COLGALT2: variants seen among roughly 807,000 people sequenced by gnomAD.
COLGALT2 encodes the protein procollagen galactosyltransferase 2.
COLGALT2 carries 49 observed loss-of-function variants against 73.4 expected under a neutral mutation model. The ratio of observed to expected loss-of-function variants is 0.67; its 90% CI spans 0.53 to 0.85. The LOEUF is 0.85. Ranked by LOEUF, COLGALT2 falls within the 40% of genes least tolerant of loss-of-function variation. The probability of loss-of-function intolerance (pLI) is 0.00; values close to 1 mark genes in which losing one functional copy is unlikely to be tolerated. For missense variants in COLGALT2, 722 were observed against 790.2 expected (o/e 0.91, Z 1.03); for synonymous variants, 295 against 307.6 (o/e 0.96, Z 0.43).
chr1:183,985,906 C>T (rs988571011), intron 1 of COLGALT2, among the ~76,000 whole-genome samples: 1 of 152,200 alleles, frequency 6.6e-6, no homozygotes, highest in African/African-American at 2.4e-5. Context: ...CTCTCAGATG[C>T]TTCTTGTTTT....
At chr1:184,019,717 C>T (rs1181391758) in intron 1 of COLGALT2, among the ~76,000 whole-genome samples, 2 of 152,116 alleles carry the variant, frequency 1.3e-5, no homozygotes, top group African/African-American at 2.4e-5. Context: ...ATCTGAGAAG[C>T]GCTCTTTTTA....
At chr1:183,990,394 T>G (rs914951203) in intron 1 of COLGALT2, among the ~76,000 whole-genome samples, 9 of 152,224 alleles carry the variant, frequency 5.9e-5, no homozygotes, top group African/African-American at 2.2e-4. Flanking sequence ...ATGCATGTCC[T>G]CTGTGCCGGT....
intron 7 of COLGALT2, among the ~76,000 whole-genome samples, chr1:183,952,477 G>A (rs1163905786): frequency 1.3e-5 from 2 of 152,158 alleles, no homozygotes; most frequent in Non-Finnish European, 2.9e-5. Flanking sequence ...TTCTGCTATG[G>A]CCAGAATAAA....
rs1050672473 is a variant in COLGALT2, at chr1:184,037,389, C to T, written c.-32G>A. 9 of 1,351,810 alleles carry T rather than the reference C, an allele frequency of 6.7e-6. No homozygotes were observed. The highest frequency in any genetic ancestry group is 8.5e-6 in the Non-Finnish European group (9 of 1,054,354). The allele number at this position is 1,351,810 out of a possible 1,614,324, so 83.7% of individuals were successfully genotyped here. A position where few individuals can be genotyped will look rare whatever the true frequency, so the allele number is the denominator to read the frequency against. On this transcript the variant is annotated 5_prime_UTR_variant, in exon 1 of 12. Transcript: ENST00000361927. Reference sequence around the variant, plus strand: ...GGCCGAGGCGGGCGGCGGGGAAGTCCTGGCGCGAGCGCCCGGCTGGGCTGC... The same window carrying T: ...GGCCGAGGCGGGCGGCGGGGAAGTCTTGGCGCGAGCGCCCGGCTGGGCTGC...
chr1:183,945,747 G>A lies in COLGALT2; in HGVS notation c.1137-183C>T, dbSNP rs1467806232. On this transcript the variant is annotated intron_variant, in intron 8 of 11. Transcript: ENST00000361927. ...GTCACACTAGTATTATGAGGTCTGG[G>A]AAGACAAGAGGGTATCATATTTTTG... 1.7e-5 allele frequency: 11 copies of A among 640,314 alleles called. No homozygotes were observed. The East Asian group carries it at 2.2e-4, about 13-fold the overall frequency. 39.7% of individuals were successfully genotyped at this position (640,314 alleles called of 1,614,324 possible).
intron 1 of COLGALT2, among the ~76,000 whole-genome samples, chr1:183,986,154 T>C (rs183430685): frequency 3.4e-4 from 51 of 152,228 alleles, no homozygotes; most frequent in African/African-American, 1.2e-3. Context: ...GGTTACTGGG[T>C]AGAATTCTGT....
At chr1:183,965,291 A>G (rs1271006477) in intron 5 of COLGALT2, among the ~76,000 whole-genome samples, 1 of 152,238 alleles carries the variant, frequency 6.6e-6, no homozygotes, top group East Asian at 1.9e-4. Context: ...CTAATTAGGC[A>G]AACCATTTTA....
At chr1:184,029,844 G>A (rs1281692578) in intron 1 of COLGALT2, among the ~76,000 whole-genome samples, 1 of 152,162 alleles carries the variant, frequency 6.6e-6, no homozygotes, top group Admixed American at 6.5e-5. Context: ...GCCACCCAGG[G>A]CATGGCTGTA....
chr1:183,960,830 T>C (rs928505988), intron 6 of COLGALT2, among the ~76,000 whole-genome samples: 1 of 152,318 alleles, frequency 6.6e-6, no homozygotes, highest in East Asian at 1.9e-4. Context: ...CAAGACAATC[T>C]TTCTTCTTCC....
chr1:183,967,294 G>C (rs1670907101), intron 5 of COLGALT2, among the ~76,000 whole-genome samples: 1 of 152,228 alleles, frequency 6.6e-6, no homozygotes, highest in East Asian at 1.9e-4. Flanking sequence ...ACTATTAGTT[G>C]TGTTTTCACA....
At chr1:184,017,121 T>G (rs528608848) in intron 1 of COLGALT2, among the ~76,000 whole-genome samples, 12 of 152,346 alleles carry the variant, frequency 7.9e-5, no homozygotes, top group African/African-American at 2.6e-4. Context: ...ATGTATAAAA[T>G]GTTATGTACT....
chr1:183,934,862 C>T (rs184239156), downstream of COLGALT2, among the ~76,000 whole-genome samples: 1 of 152,332 alleles, frequency 6.6e-6, no homozygotes, highest in African/African-American at 2.4e-5. Context: ...TATTATCTGT[C>T]AAGATGGTAA....
intron 11 of COLGALT2, 26 bp downstream of exon 11, chr1:183,940,554 GA>G (rs1325169724): frequency 3.7e-6 from 6 of 1,603,548 alleles, no homozygotes; most frequent in African/African-American, 1.3e-5. Context: ...GTGCCCAAGG[GA>G]AGGCAGGCAG....
intron 1 of COLGALT2, among the ~76,000 whole-genome samples, chr1:184,025,681 G>T (rs930391134): frequency 6.6e-6 from 1 of 152,148 alleles, no homozygotes; most frequent in African/African-American, 2.4e-5. Flanking sequence ...CTTTCCTTGG[G>T]AGTTCAGTCA....
At chr1:183,998,307 T>C (rs1671822976) in intron 1 of COLGALT2, among the ~76,000 whole-genome samples, 2 of 152,340 alleles carry the variant, frequency 1.3e-5, no homozygotes, top group South Asian at 2.1e-4. Context: ...GTGCTTCCTC[T>C]TTTGTGAAAC....
chr1:183,964,555 A>G (rs1670813497), intron 5 of COLGALT2: 1 of 152,928 alleles, frequency 6.5e-6, no homozygotes, highest in South Asian at 2.1e-4. Flanking sequence ...TGCTTCCCTT[A>G]GCAGGCATGG....
intron 6 of COLGALT2, among the ~76,000 whole-genome samples, chr1:183,960,876 C>T (rs1056007508): frequency 2.0e-5 from 3 of 152,122 alleles, no homozygotes; most frequent in South Asian, 2.1e-4. Context: ...TTGGACACCC[C>T]GTTCCTATTC....
At chr1:184,013,083 G>A (rs557770630) in intron 1 of COLGALT2, among the ~76,000 whole-genome samples, 5 of 152,250 alleles carry the variant, frequency 3.3e-5, no homozygotes, top group Non-Finnish European at 7.3e-5. Flanking sequence ...GGGAGGCCAA[G>A]GCGGGTGGAT....
chr1:183,945,405 C>G, intron 9 of COLGALT2, 27 bp downstream of exon 9: 2 of 1,610,586 alleles, frequency 1.2e-6, no homozygotes, highest in Non-Finnish European at 1.7e-6. Flanking sequence ...CATCATAAAA[C>G]TGCAATCTGA....
Sources: allele counts gnomAD v4.1 joint callset (sites outside exome capture counted in the v4.1 genomes callset), GRCh38; gene constraint gnomAD v4.1.1; transcripts MANE v1.5; gene names NCBI Gene and HGNC (gene_info 2026-07-23, HGNC 2026-07-21).